SYCP1: variants seen among roughly 807,000 people sequenced by gnomAD.
SYCP1 encodes synaptonemal complex protein 1.
SYCP1 carries 64 observed loss-of-function variants against 153.1 expected under a neutral mutation model. The observed-to-expected ratio is 0.42, with a 90% confidence interval of 0.34 to 0.51. The LOEUF is 0.51. SYCP1 is among the 20% of genes least tolerant of loss of function. The probability of loss-of-function intolerance (pLI) is 0.06; values close to 1 mark genes in which losing one functional copy is unlikely to be tolerated. For synonymous variants in SYCP1, 384 were observed against 341.8 expected, an observed-to-expected ratio of 1.12 and a Z score of -1.36; for missense variants, 997 against 1,049.0, an observed-to-expected ratio of 0.95 and a Z score of 0.68.
intron 23 of SYCP1, among the ~76,000 whole-genome samples, chr1:114,929,281 G>C (rs898666633): frequency 1.2e-4 from 18 of 152,040 alleles, no homozygotes; most frequent in Admixed American, 1.1e-3. Context: ...ACTCCAAAGG[G>C]AGGGCAGAGA....
rs1043338786 is a variant in SYCP1, at chr1:114,860,829, T to C, written c.598+20T>C. The C allele has an allele frequency of 3.9e-6, 6 of 1,529,720 alleles. No homozygotes were observed. In the African/African-American group the frequency reaches 7.0e-5, roughly 18 times the overall value. 94.8% of individuals were successfully genotyped at this position (1,529,720 alleles called of 1,614,324 possible). A position where few individuals can be genotyped will look rare whatever the true frequency, so the allele number is the denominator to read the frequency against. On this transcript the variant is annotated intron_variant, in intron 8 of 31. Coordinates refer to ENST00000369522, the MANE Select transcript of SYCP1 (RefSeq NM_003176.4). ...AGAAATGTAAATATCTTTCTTGTTT[T>C]ATGTGATTTTATCAATTTATTTTAC...
In SYCP1 at chr1:114,860,809, T is replaced by C; in HGVS notation, c.598T>C (p.Tyr200His). ...CARSAEKTKK[Y>H]EYEREETRQV... ...TAGATCTGCAGAAAAGACAAAGAAA[T>C]GTAAATATCTTTCTTGTTTTATGTG... is the stretch of plus-strand genomic sequence containing the variant. Residue 200 changes from tyrosine (Y) to histidine (H), a missense_variant and splice_region_variant, in exon 8 of 32, where the codon TAT becomes CAT. This residue lies in a region of SYCP1 where 285 missense variants were observed against 366.1 expected (regional missense o/e 0.78). Coordinates refer to ENST00000369522, the MANE Select transcript of SYCP1 (RefSeq NM_003176.4). The C allele has an allele frequency of 6.3e-7, 1 of 1,577,216 alleles. No individual in the cohort carries two copies. Among genetic ancestry groups the C allele is most frequent in the Non-Finnish European group, 8.6e-7 (1 of 1,161,648 alleles).
At chr1:114,877,616 A>T (rs1665629916) in intron 11 of SYCP1, among the ~76,000 whole-genome samples, 1 of 152,176 alleles carries the variant, frequency 6.6e-6, no homozygotes, top group Admixed American at 6.5e-5. Flanking sequence ...GAGCTTACAG[A>T]TTGTTGGGCT....
chr1:114,946,427 C>A, intron 26 of SYCP1, 46 bp downstream of exon 26: 3 of 1,157,816 alleles, frequency 2.6e-6, no homozygotes, highest in South Asian at 2.8e-5. Context: ...TTCATAATGT[C>A]AGCAGTGACT....
Position 114,858,533 on chromosome 1 carries a change from A to C in SYCP1, c.292-14A>C. On this transcript the variant is annotated splice_polypyrimidine_tract_variant and intron_variant, in intron 5 of 31. Transcript: ENST00000369522. ...AATTTTGGACAATTAATTTTTGAAA[A>C]CATATTTTAATAGAATTCAGAGGGA... 1 of 1,544,424 alleles carries C rather than the reference A, an allele frequency of 6.5e-7. No homozygotes were observed. Among genetic ancestry groups the C allele is most frequent in the South Asian group, 1.3e-5 (1 of 79,120 alleles).
intron 23 of SYCP1, among the ~76,000 whole-genome samples, chr1:114,943,253 A>G (rs1451716581): frequency 6.6e-6 from 1 of 151,944 alleles, no homozygotes; most frequent in Non-Finnish European, 1.5e-5. Flanking sequence ...CTAGGTATAT[A>G]CTATAGAGAA....
At chr1:114,857,136 C>CAAAAAAAAAAAAAAAA (rs71582509) in intron 3 of SYCP1, 96 bp from the exon 4 acceptor site, 34 of 245,198 alleles carry the variant, frequency 1.4e-4, no homozygotes, top group African/African-American at 1.8e-4. Flanking sequence ...CTCTCTCTCT[C>CAAAAAAAAAAAAAAAA]AAAAAAAAAA....
chr1:114,902,329 G>A (rs7522275), intron 16 of SYCP1, among the ~76,000 whole-genome samples: 9,273 of 152,158 alleles, frequency 0.061, 323 homozygotes, highest in Middle Eastern at 0.14. Context: ...CCTTTCTCAA[G>A]CCTTATGTTT....
intron 30 of SYCP1, among the ~76,000 whole-genome samples, chr1:114,994,488 T>C (rs1674140011): frequency 2.0e-5 from 3 of 151,282 alleles, no homozygotes; most frequent in Non-Finnish European, 4.4e-5. Flanking sequence ...CTTGGCCAAT[T>C]GATTTATTTT....
chr1:114,963,174 TC>T (rs977205158), intron 27 of SYCP1, among the ~76,000 whole-genome samples: 22 of 152,304 alleles, frequency 1.4e-4, no homozygotes, highest in African/African-American at 5.3e-4. Context: ...GCGATGAATT[TC>T]CTGGGTATTC....
chr1:114,990,242 T>C (rs1673832747), intron 30 of SYCP1, among the ~76,000 whole-genome samples: 1 of 151,842 alleles, frequency 6.6e-6, no homozygotes, highest in Non-Finnish European at 1.5e-5. Flanking sequence ...TCTTAGCCAA[T>C]CAGTGGGTCA....
rs1379696436 is a variant in SYCP1 at position 114,923,516 on chromosome 1, A to T, written c.1786A>T (p.Lys596Ter). The change falls in exon 21 of 32, where the codon AAG becomes TAG. Residue 596 changes from lysine (K) to a stop codon, truncating the protein, a stop_gained. Coordinates refer to ENST00000369522, the MANE Select transcript of SYCP1 (RefSeq NM_003176.4). LOFTEE classifies it high-confidence loss of function. ...AGATGAAGTTAAATGTAAATTGGACAAGAGTGAAGAAAATGTATGTTATAT... is the reference window on the plus strand; with the variant it reads ...AGATGAAGTTAAATGTAAATTGGACTAGAGTGAAGAAAATGTATGTTATAT... ...KRDEVKCKLD[K>*]SEENCNNLRK... 1 of 1,588,176 alleles carries T rather than the reference A, an allele frequency of 6.3e-7. No homozygotes were observed.
intron 27 of SYCP1, among the ~76,000 whole-genome samples, chr1:114,963,921 T>C (rs986504293): frequency 6.6e-6 from 1 of 152,236 alleles, no homozygotes; most frequent in Non-Finnish European, 1.5e-5. Flanking sequence ...ATGGTATTTC[T>C]GGTTCTAGAT....
chr1:114,907,026 A>T (rs1667855544), intron 16 of SYCP1, among the ~76,000 whole-genome samples: 1 of 152,134 alleles, frequency 6.6e-6, no homozygotes, highest in South Asian at 2.1e-4. Flanking sequence ...CTTCACATTT[A>T]TATCTAACTA....
intron 23 of SYCP1, among the ~76,000 whole-genome samples, chr1:114,927,523 A>G (rs934678639): frequency 6.6e-6 from 1 of 152,206 alleles, no homozygotes; most frequent in Non-Finnish European, 1.5e-5. Flanking sequence ...GGGGAATGTC[A>G]GTGAAGAAAT....
chr1:114,920,743 C>T (rs1326148378), intron 20 of SYCP1, among the ~76,000 whole-genome samples: 1 of 152,030 alleles, frequency 6.6e-6, no homozygotes, highest in African/African-American at 2.4e-5. Flanking sequence ...TTCTTTGTCT[C>T]TTTTTATAGT....
chr1:114,888,374 G>A (rs1666455850), intron 15 of SYCP1, among the ~76,000 whole-genome samples: 1 of 151,390 alleles, frequency 6.6e-6, no homozygotes, highest in Non-Finnish European at 1.5e-5. Flanking sequence ...CTTTATGTAA[G>A]CTTTATTATT....
Position 114,893,296 on chromosome 1 carries a change from CATCTGT to C in SYCP1, c.1259-2135_1259-2130del, listed in dbSNP as rs1006024375. ...GTATCTCTATCTTTATCTGTATCTC[CATCTGT>C]ATCTGTATCTGTATCTCTATCTCAT... On this transcript the variant is annotated intron_variant, in intron 15 of 31. Coordinates refer to ENST00000369522, the MANE Select transcript of SYCP1 (RefSeq NM_003176.4). Among the ~76,000 whole-genome samples the C allele has an allele frequency of 1.8e-4, 27 of 152,060 alleles. No individual in the cohort carries two copies. In the South Asian group the frequency reaches 1.9e-3, roughly 11 times the overall value.
intron 15 of SYCP1, among the ~76,000 whole-genome samples, chr1:114,888,611 A>G (rs974720452): frequency 2.6e-5 from 4 of 152,094 alleles, no homozygotes; most frequent in Admixed American, 1.3e-4. Context: ...ATAACTTTAA[A>G]TTAGAATGGT....
Sources: allele counts gnomAD v4.1 joint callset (sites outside exome capture counted in the v4.1 genomes callset), GRCh38; gene constraint gnomAD v4.1.1; regional missense constraint gnomAD v4.1.1; transcripts MANE v1.5; gene names NCBI Gene and HGNC (gene_info 2026-07-23, HGNC 2026-07-21).